Variants in ZNF682 observed in about 807,000 individuals in gnomAD.
ZNF682 encodes zinc finger protein 682.
In ZNF682, 29 loss-of-function variants were observed where a neutral mutation model predicts 36.5. The observed-to-expected ratio is 0.80, with a 90% CI of 0.59 to 1.08. ZNF682 has a LOEUF of 1.08. Among genes scored for constraint, ZNF682 ranks in the 50% least tolerant of loss-of-function variants. The pLI, the probability that ZNF682 is intolerant of heterozygous loss-of-function variation, is 0.00. For missense variants in ZNF682, 561 were observed against 579.7 expected (o/e 0.97, Z 0.33); for synonymous variants, 180 against 197.0 (o/e 0.91, Z 0.72).
intron 1 of ZNF682, among the ~76,000 whole-genome samples, chr19:20,034,615 C>A (rs2088510959): frequency 6.6e-6 from 1 of 150,884 alleles, no homozygotes. Context: ...CACCTCTCTA[C>A]TAAAAAAATT....
chr19:19,997,504 C>T (rs765599822), intron 3 of ZNF682, among the ~76,000 whole-genome samples: 2 of 152,172 alleles, frequency 1.3e-5, no homozygotes, highest in African/African-American at 2.4e-5. Flanking sequence ...ACCCCAGAGG[C>T]ATCTTGGGTA....
At chr19:19,999,603 C>G (rs926907675), downstream of ZNF682, among the ~76,000 whole-genome samples, 1 of 151,886 alleles carries the variant, frequency 6.6e-6, no homozygotes, top group Non-Finnish European at 1.5e-5. Flanking sequence ...GGCACGATCT[C>G]GGCTCACTGC....
At chr19:20,025,737 C>T (rs1003340721) in intron 1 of ZNF682, among the ~76,000 whole-genome samples, 1 of 150,952 alleles carries the variant, frequency 6.6e-6, no homozygotes, top group Non-Finnish European at 1.5e-5. Flanking sequence ...AATTGATGTA[C>T]AGTGTCAACA....
intron 1 of ZNF682, among the ~76,000 whole-genome samples, chr19:20,029,625 A>G (rs2088463463): frequency 6.6e-6 from 1 of 151,752 alleles, no homozygotes; most frequent in Non-Finnish European, 1.5e-5. Flanking sequence ...AATTAAAAAA[A>G]ATAAAAAAGC....
intron 1 of ZNF682, 69 bp downstream of exon 1, chr19:20,039,274 C>T (rs1046840295): frequency 3.1e-5 from 49 of 1,600,526 alleles, no homozygotes; most frequent in Non-Finnish European, 4.0e-5. Flanking sequence ...CCAGTCCCGT[C>T]ACTGCCGGTT....
rs771605732 is a variant in ZNF682, at chr19:20,006,178, T to C, written c.1324A>G (p.Arg442Gly). Residue 442 changes from arginine to glycine, a missense_variant, in exon 4 of 4, where the codon AGA becomes GGA. Transcript: ENST00000397165. Reference protein sequence around the residue: ...KAFNRCSHLTRHKKIHTAVKR... With the variant: ...KAFNRCSHLTGHKKIHTAVKR... ...ACGGCAGTATGAATTTTCTTATGTC[T>C]AGTAAGGTGTGAGCACCGATTAAAG... 6.0e-5 allele frequency: 97 copies of C among 1,612,906 alleles called. No individual in the cohort carries two copies. Among genetic ancestry groups the C allele is most frequent in the Non-Finnish European group, 8.1e-5 (95 of 1,179,190 alleles).
downstream of ZNF682, among the ~76,000 whole-genome samples, chr19:19,995,273 A>C (rs900897990): frequency 6.6e-6 from 1 of 152,224 alleles, no homozygotes; most frequent in Non-Finnish European, 1.5e-5. Context: ...GAAAAGGTTT[A>C]CACTCACCAG....
At chr19:19,998,133 G>C (rs944780868) in intron 3 of ZNF682, among the ~76,000 whole-genome samples, 8 of 152,166 alleles carry the variant, frequency 5.3e-5, no homozygotes, top group Non-Finnish European at 1.0e-4. Flanking sequence ...GTACCCTGAG[G>C]ACCAGTCTGA....
At position 20,021,279 on chromosome 19, in the gene ZNF682, ACT is replaced by A. The variant is rs113522795; in HGVS notation, c.226+1723_226+1724del. ...AGCAGACCTTTCACTGCAAAAGAAA[ACT>A]CTGCATGGTGGCTTAATTCCAGCAC... On this transcript the variant is annotated intron_variant, in intron 3 of 3. Coordinates refer to ENST00000397165, the MANE Select transcript of ZNF682 (RefSeq NM_033196.3). 1.4e-4 allele frequency among the ~76,000 whole-genome samples: 22 copies of A among 152,124 alleles called. 1 individual carries two copies. Among genetic ancestry groups the A allele is most frequent in the African/African-American group, 4.6e-4 (19 of 41,494 alleles).
chr19:20,034,014 G>A (rs1429465744), intron 1 of ZNF682: 1 of 156,168 alleles, frequency 6.4e-6, no homozygotes, highest in Non-Finnish European at 1.5e-5. Context: ...CCAAGGCATT[G>A]GAGAGAAAAA....
intron 1 of ZNF682, among the ~76,000 whole-genome samples, chr19:20,035,244 A>G (rs1319068325): frequency 2.0e-5 from 3 of 151,868 alleles, no homozygotes; most frequent in Non-Finnish European, 4.4e-5. Context: ...CCTTTTTTTG[A>G]GACGGAGTTT....
At chr19:20,008,131 T>C (rs762680786) in intron 3 of ZNF682, 1 of 152,262 alleles carries the variant, frequency 6.6e-6, no homozygotes, top group Non-Finnish European at 1.5e-5. Flanking sequence ...AATATCAAGC[T>C]GATATATGTG....
At chr19:20,023,135 G>A in intron 2 of ZNF682, 36 bp from the exon 3 acceptor site, 1 of 1,585,432 alleles carries the variant, frequency 6.3e-7, no homozygotes, top group Non-Finnish European at 8.7e-7. Context: ...GATTCTTGCT[G>A]GGATTCTCCA....
At chr19:19,996,945 G>T (rs1244435045), downstream of ZNF682, 5 of 322,392 alleles carry the variant, frequency 1.6e-5, no homozygotes, top group African/African-American at 6.4e-5. Flanking sequence ...CTCCACATGG[G>T]CTATTTTTGT....
At chr19:20,037,874 G>T (rs147753655) in intron 1 of ZNF682, among the ~76,000 whole-genome samples, 2 of 152,220 alleles carry the variant, frequency 1.3e-5, no homozygotes, top group Non-Finnish European at 2.9e-5. Flanking sequence ...TAATGGATTT[G>T]CTTTCAGAGG....
chr19:20,001,524 A>G (rs1448539273), downstream of ZNF682, among the ~76,000 whole-genome samples: 1 of 152,186 alleles, frequency 6.6e-6, no homozygotes, highest in East Asian at 1.9e-4. Flanking sequence ...AGCCTGGTAT[A>G]ACATCCTATT....
intron 3 of ZNF682, among the ~76,000 whole-genome samples, chr19:20,018,049 T>G (rs888037464): frequency 2.6e-5 from 4 of 151,224 alleles, no homozygotes; most frequent in African/African-American, 9.7e-5. Context: ...TTTTTTTTTT[T>G]GCAGAAATAT....
intron 3 of ZNF682, among the ~76,000 whole-genome samples, chr19:20,018,675 G>A (rs1389076409): frequency 6.6e-6 from 1 of 152,012 alleles, no homozygotes; most frequent in Non-Finnish European, 1.5e-5. Flanking sequence ...GTATCTACAT[G>A]AAAAAAATAA....
chr19:20,006,097 T>G lies in ZNF682; in HGVS notation c.1405A>C (p.Asn469His), dbSNP rs191905148. Residue 469 changes from asparagine (N) to histidine (H), a missense_variant, in exon 4 of 4, where the codon AAT (asparagine) becomes CAT (histidine). Physicochemically the swap from Asn to His is moderately conservative, Grantham distance 68 (BLOSUM62 1). Transcript: ENST00000397165. Reference sequence around the variant, plus strand: ...CCTCTTTGAACTCTCTTATGTTCATTAAGATGTGAGCACCGTTTAAAAGCT... The same window carrying G: ...CCTCTTTGAACTCTCTTATGTTCATGAAGATGTGAGCACCGTTTAAAAGCT... ...GKAFKRCSHLNEHKRVQRGEK... is the reference protein window; with the variant it reads ...GKAFKRCSHLHEHKRVQRGEK... 36 of 1,614,130 alleles carry G rather than the reference T, an allele frequency of 2.2e-5. No individual in the cohort carries two copies. The highest frequency in any genetic ancestry group is 1.5e-4 in the Admixed American group (9 of 60,034).
Sources: gnomAD v4.1 joint callset for allele counts (sites outside exome capture counted in the v4.1 genomes callset) on GRCh38, gnomAD v4.1.1 for gene constraint, MANE v1.5 for transcripts, NCBI Gene and HGNC (gene_info 2026-07-23, HGNC 2026-07-21) for gene names.